PICALM: variants seen among roughly 807,000 people sequenced by gnomAD.
PICALM encodes phosphatidylinositol-binding clathrin assembly protein.
A neutral mutation model predicts 80.5 loss-of-function variants in PICALM; 40 were observed. The observed-to-expected ratio is 0.50, with a 90% CI of 0.39 to 0.65. PICALM has a LOEUF of 0.65. PICALM is among the 30% of genes least tolerant of loss of function. The pLI is 0.00. For synonymous variants in PICALM, 288 were observed against 260.3 expected (o/e 1.11, Z -1.02); for missense variants, 676 against 778.9 (o/e 0.87, Z 1.57).
In PICALM at chr11:85,958,600, GGAGAA is replaced by G; in HGVS notation, c.*441_*445del. The G allele has an allele frequency of 4.4e-6, 1 of 225,904 alleles. No individual in the cohort carries two copies. Among genetic ancestry groups the G allele is most frequent in the Middle Eastern group, 1.4e-3 (1 of 738 alleles). The allele number at this position is 225,904 out of a possible 1,614,324, so 14.0% of individuals were successfully genotyped here. On this transcript the variant is annotated 3_prime_UTR_variant, in exon 20 of 20. Coordinates refer to ENST00000393346, the MANE Select transcript of PICALM (RefSeq NM_007166.4). Reference sequence around the variant, plus strand: ...TATTGTTTCTGTATTTGTGAGGACTGGAGAAAAGAAAGATAATGCATAATTAGGAA... The same window carrying G: ...TATTGTTTCTGTATTTGTGAGGACTGAAGAAAGATAATGCATAATTAGGAA...
At chr11:86,021,386 T>C (rs1415018654) in intron 4 of PICALM, among the ~76,000 whole-genome samples, 1 of 150,910 alleles carries the variant, frequency 6.6e-6, no homozygotes, top group Non-Finnish European at 1.5e-5. Flanking sequence ...AAAGACGATA[T>C]GCAAATGGTC....
At chr11:86,018,073 A>G (rs541110006) in intron 4 of PICALM, among the ~76,000 whole-genome samples, 4 of 152,246 alleles carry the variant, frequency 2.6e-5, no homozygotes, top group African/African-American at 7.2e-5. Context: ...TAAACCAGCT[A>G]AAGTATCTCA....
chr11:85,984,222 A>C (rs1400010248), intron 13 of PICALM, among the ~76,000 whole-genome samples: 3 of 152,202 alleles, frequency 2.0e-5, no homozygotes, highest in African/African-American at 7.2e-5. Context: ...TTCATTACAG[A>C]AATCTTTGCT....
chr11:86,059,109 T>C (rs1398632086), intron 1 of PICALM, among the ~76,000 whole-genome samples: 1 of 152,226 alleles, frequency 6.6e-6, no homozygotes, highest in South Asian at 2.1e-4. Context: ...ATATATAAAT[T>C]TGTAACCAGG....
At chr11:86,048,445 T>TA (rs1178438020) in intron 1 of PICALM, among the ~76,000 whole-genome samples, 1 of 152,178 alleles carries the variant, frequency 6.6e-6, no homozygotes, top group African/African-American at 2.4e-5. Flanking sequence ...TCTAAGACTT[T>TA]ATATTAAATT....
chr11:86,012,535 A>G (rs1480066019), intron 5 of PICALM, 143 bp from the exon 6 acceptor site: 2 of 538,042 alleles, frequency 3.7e-6, no homozygotes, highest in African/African-American at 3.8e-5. Context: ...TAATACATAC[A>G]TAAAGATCAC....
intron 1 of PICALM, among the ~76,000 whole-genome samples, chr11:86,034,076 G>A (rs937734698): frequency 6.6e-6 from 1 of 151,996 alleles, no homozygotes; most frequent in African/African-American, 2.4e-5. Context: ...CAGAAAAACT[G>A]GAGTTATTTT....
intron 19 of PICALM, among the ~76,000 whole-genome samples, chr11:85,965,112 T>C (rs114637566): frequency 0.013 from 1,977 of 152,238 alleles, 45 homozygotes; most frequent in African/African-American, 0.045. Flanking sequence ...GTAAACAGCA[T>C]TGAGAGTTAG....
intron 1 of PICALM, among the ~76,000 whole-genome samples, chr11:86,044,930 T>G (rs544166329): frequency 3.3e-4 from 50 of 152,326 alleles, no homozygotes; most frequent in African/African-American, 8.9e-4. Flanking sequence ...CTGTCTTCCA[T>G]GAAACCACTC....
chr11:86,031,441 A>G, intron 2 of PICALM, 28 bp downstream of exon 2: 2 of 1,580,282 alleles, frequency 1.3e-6, no homozygotes, highest in South Asian at 1.1e-5. Context: ...ACACATCAGT[A>G]TACTTGTTCA....
At chr11:86,044,922 G>A (rs116668380) in intron 1 of PICALM, among the ~76,000 whole-genome samples, 242 of 152,316 alleles carry the variant, frequency 1.6e-3, no homozygotes, top group African/African-American at 5.5e-3. Context: ...TGGAAAAACT[G>A]TCTTCCATGA....
Position 85,988,933 on chromosome 11 carries a change from T to A in PICALM, c.1408+1317A>T, listed in dbSNP as rs528624352. 3.9e-5 allele frequency among the ~76,000 whole-genome samples: 6 copies of A among 152,376 alleles called. No homozygotes were observed. The East Asian group carries it at 1.2e-3, about 29-fold the overall frequency. ...TAGCCAACACTATCGTGTCCTCTAATGTGTGGTTTTACAGCTAAGAAAGCA... is the reference window on the plus strand; with the variant it reads ...TAGCCAACACTATCGTGTCCTCTAAAGTGTGGTTTTACAGCTAAGAAAGCA... On this transcript the variant is annotated intron_variant, in intron 13 of 19. Transcript: ENST00000393346.
chr11:85,961,103 G>C (rs2093674207), intron 19 of PICALM, among the ~76,000 whole-genome samples: 1 of 151,848 alleles, frequency 6.6e-6, no homozygotes, highest in African/African-American at 2.4e-5. Flanking sequence ...TGGGGGGATA[G>C]GGGAGGGAAT....
intron 2 of PICALM, among the ~76,000 whole-genome samples, chr11:86,029,437 A>G (rs112848653): frequency 6.6e-6 from 1 of 152,252 alleles, no homozygotes; most frequent in African/African-American, 2.4e-5. Context: ...TGAACAGAGC[A>G]TGGAATTTGC....
Position 85,958,060 on chromosome 11 carries a change from T to C in PICALM, c.*986A>G, listed in dbSNP as rs1045112123. Reference sequence around the variant, plus strand: ...CTTGTAACACCTTCTAGAGTTTTAGTGAAAAGAAGGAAAGTCTTGAAGTGA... The same window carrying C: ...CTTGTAACACCTTCTAGAGTTTTAGCGAAAAGAAGGAAAGTCTTGAAGTGA... On this transcript the variant is annotated 3_prime_UTR_variant, in exon 20 of 20. Transcript: ENST00000393346. 4.4e-6 allele frequency: 1 copy of C among 225,480 alleles called. No homozygotes were observed. Among genetic ancestry groups the C allele is most frequent in the Non-Finnish European group, 8.8e-6 (1 of 113,114 alleles). The allele number at this position is 225,480 out of a possible 1,614,324, so 14.0% of individuals were successfully genotyped here. A position where few individuals can be genotyped will look rare whatever the true frequency, so the allele number is the denominator to read the frequency against.
intron 1 of PICALM, among the ~76,000 whole-genome samples, chr11:86,052,890 G>A (rs1206685818): frequency 6.6e-6 from 1 of 152,150 alleles, no homozygotes; most frequent in Non-Finnish European, 1.5e-5. Flanking sequence ...AAATCTCTTT[G>A]TTCCTCAAAC....
chr11:85,977,983 A>G (rs2094332188), intron 17 of PICALM: 2 of 956,010 alleles, frequency 2.1e-6, no homozygotes, highest in Admixed American at 1.8e-5. Flanking sequence ...GAAAACAAGT[A>G]ATAGCTGAAA....
chr11:85,975,455 C>T (rs1179494124), intron 18 of PICALM, among the ~76,000 whole-genome samples: 1 of 152,090 alleles, frequency 6.6e-6, no homozygotes, highest in Non-Finnish European at 1.5e-5. Context: ...AAATAATGCA[C>T]AAACAGAATA....
chr11:85,990,438 G>T, intron 12 of PICALM, 39 bp from the exon 13 acceptor site: 2 of 1,357,138 alleles, frequency 1.5e-6, no homozygotes, highest in Non-Finnish European at 2.0e-6. Context: ...ATGAAGAAAG[G>T]AAGTAAATAA....
Sources: allele counts gnomAD v4.1 joint callset (sites outside exome capture counted in the v4.1 genomes callset), GRCh38; gene constraint gnomAD v4.1.1; transcripts MANE v1.5; gene names NCBI Gene and HGNC (gene_info 2026-07-23, HGNC 2026-07-21).